The following ATP11B variants were observed in gnomAD, a reference collection of about 807,000 sequenced individuals.
ATP11B encodes phospholipid-transporting ATPase IF.
ATP11B carries 81 observed loss-of-function variants against 157.8 expected under a neutral mutation model. The ratio of observed to expected loss-of-function variants is 0.51; its 90% CI spans 0.43 to 0.62. The LOEUF (loss-of-function observed/expected upper bound fraction) is 0.62. Ranked by LOEUF, ATP11B falls within the 20% of genes least tolerant of loss-of-function variation. The pLI is 0.00. For synonymous variants in ATP11B, 451 were observed against 469.4 expected (o/e 0.96, Z 0.51); for missense variants, 1,165 against 1,402.2 (o/e 0.83, Z 2.70).
chr3:182,884,075 G>A (rs1306260850), intron 21 of ATP11B, among the ~76,000 whole-genome samples: 1 of 150,952 alleles, frequency 6.6e-6, no homozygotes, highest in Non-Finnish European at 1.5e-5. Flanking sequence ...TTATGACAAA[G>A]TTTTAGTTTT....
At chr3:182,841,683 G>A (rs1719033034) in intron 7 of ATP11B, among the ~76,000 whole-genome samples, 1 of 151,946 alleles carries the variant, frequency 6.6e-6, no homozygotes, top group African/African-American at 2.4e-5. Context: ...TGTTTCATGT[G>A]TAAGAATGGT....
chr3:182,876,871 A>T (rs1722079479), intron 19 of ATP11B, among the ~76,000 whole-genome samples: 2 of 152,230 alleles, frequency 1.3e-5, no homozygotes, highest in South Asian at 4.1e-4. Flanking sequence ...TTTCTATGTG[A>T]AATTTATGTT....
intron 29 of ATP11B, chr3:182,917,240 T>C: frequency 2.0e-6 from 2 of 985,394 alleles, no homozygotes; most frequent in Non-Finnish European, 2.4e-6. Context: ...TAAATGTGTT[T>C]AGTCTCATAA....
At position 182,820,353 on chromosome 3, in the gene ATP11B, G is replaced by C; in HGVS notation, c.121G>C (p.Asp41His). 6.2e-7 allele frequency: 1 copy of C among 1,607,298 alleles called. No individual in the cohort carries two copies. Among genetic ancestry groups the C allele is most frequent in the Non-Finnish European group, 8.5e-7 (1 of 1,173,808 alleles). The change falls in exon 2 of 30, where the codon GAT becomes CAT. Residue 41 changes from aspartate (D) to histidine (H), a missense_variant. By Grantham distance (81) the Asp-to-His change is moderately conservative (BLOSUM62 -1). Transcript: ENST00000323116. ...NGLYTPQKFIDNRIISSKYTV... is the reference protein window; with the variant it reads ...NGLYTPQKFIHNRIISSKYTV... ...CCTTTACACACCTCAGAAATTTATA[G>C]ATAACAGGATCATTTCATCTAAGGT...
At chr3:182,885,022 G>C (rs932282810) in intron 22 of ATP11B, 124 bp downstream of exon 22, 4 of 630,522 alleles carry the variant, frequency 6.3e-6, no homozygotes, top group Admixed American at 3.9e-5. Flanking sequence ...ACAGTATTTT[G>C]TCATAAATCT....
chr3:182,870,666 G>A (rs778375548), intron 17 of ATP11B, among the ~76,000 whole-genome samples: 5 of 152,206 alleles, frequency 3.3e-5, no homozygotes, highest in African/African-American at 4.8e-5. Flanking sequence ...TCAGGGAATG[G>A]CAATATTTAG....
intron 25 of ATP11B, among the ~76,000 whole-genome samples, chr3:182,890,116 G>T (rs1168534960): frequency 6.6e-6 from 1 of 152,174 alleles, no homozygotes; most frequent in Non-Finnish European, 1.5e-5. Context: ...ATGAAATTAG[G>T]AAAGAGTGCA....
chr3:182,831,928 A>G (rs1361876536), intron 4 of ATP11B, among the ~76,000 whole-genome samples: 1 of 152,204 alleles, frequency 6.6e-6, no homozygotes, highest in Admixed American at 6.5e-5. Flanking sequence ...GAACAAGACC[A>G]TGCACATATT....
rs990596649 is a variant in ATP11B, at chr3:182,920,184, C to T, written c.*2080C>T. On this transcript the variant is annotated 3_prime_UTR_variant, in exon 30 of 30. Coordinates refer to ENST00000323116, the MANE Select transcript of ATP11B (RefSeq NM_014616.3). ...ACTGCAGCAAGACAGGAGGTCAGCT[C>T]GCCTATAATGGTGCTTAAAGTGTGA... 1 of 152,112 alleles carries T rather than the reference C, an allele frequency of 6.6e-6. No individual in the cohort carries two copies. The highest frequency in any genetic ancestry group is 1.5e-5 in the Non-Finnish European group (1 of 68,034). 9.4% of individuals were successfully genotyped at this position (152,112 alleles called of 1,614,324 possible).
chr3:182,859,118 C>A, intron 11 of ATP11B, 44 bp from the exon 12 acceptor site: 2 of 1,436,052 alleles, frequency 1.4e-6, no homozygotes, highest in Non-Finnish European at 1.9e-6. Flanking sequence ...TGAAGAAATT[C>A]TAGTTTATTT....
intron 9 of ATP11B, among the ~76,000 whole-genome samples, chr3:182,846,285 G>A (rs1468742151): frequency 6.6e-6 from 1 of 150,928 alleles, no homozygotes; most frequent in African/African-American, 2.4e-5. Context: ...TGATAAAGAA[G>A]TCCATATGTC....
intron 23 of ATP11B, among the ~76,000 whole-genome samples, chr3:182,886,945 A>G (rs976766033): frequency 6.6e-6 from 1 of 152,232 alleles, no homozygotes; most frequent in Non-Finnish European, 1.5e-5. Context: ...TGCTAAGACA[A>G]TACGACAAGG....
chr3:182,856,233 A>C (rs1213513864), intron 10 of ATP11B, among the ~76,000 whole-genome samples: 3 of 152,202 alleles, frequency 2.0e-5, no homozygotes, highest in Non-Finnish European at 2.9e-5. Flanking sequence ...TCAAGTTGGA[A>C]GTTAAAACTA....
chr3:182,807,168 G>A (rs1033682060), intron 1 of ATP11B, among the ~76,000 whole-genome samples: 2 of 152,156 alleles, frequency 1.3e-5, no homozygotes, highest in Non-Finnish European at 2.9e-5. Flanking sequence ...AGTTTTTCCA[G>A]GGAGTTTAGT....
chr3:182,887,606 C>G lies in ATP11B; in HGVS notation c.2736C>G (p.Tyr912Ter). Residue 912 changes from tyrosine to a stop codon, truncating the protein, a stop_gained, in exon 24 of 30, where the codon TAC becomes TAG. Transcript: ENST00000323116. LOFTEE classifies it high-confidence loss of function. ...TCTAGACATTGTATGACAGCGTGTA[C>G]CTGACTTTATACAATATTTGTTTTA... is the stretch of plus-strand genomic sequence containing the variant. ...FSQQTLYDSV[Y>*]LTLYNICFTS... The G allele has an allele frequency of 6.2e-7, 1 of 1,611,794 alleles. No individual in the cohort carries two copies.
Position 182,918,092 on chromosome 3 carries a change from A to G in ATP11B, c.3522A>G (p.Ser1174=), listed in dbSNP as rs746210987. Residue 1174 remains serine (S), a synonymous_variant, in exon 30 of 30, where the codon TCA becomes TCG. Coordinates refer to ENST00000323116, the MANE Select transcript of ATP11B (RefSeq NM_014616.3). The part of the protein sequence containing the change: ...RSILTLSTMD[S]STC ...TCTTGACTCTCTCCACAATGGACTC[A>G]TCTACTTGTTAAAGGGGCAGTAGTA... 79 of 1,612,892 alleles carry G rather than the reference A, an allele frequency of 4.9e-5. No homozygotes were observed. The highest frequency in any genetic ancestry group is 6.6e-5 in the Non-Finnish European group (78 of 1,179,256).
chr3:182,799,243 G>A (rs575129751), intron 1 of ATP11B, among the ~76,000 whole-genome samples: 2 of 151,108 alleles, frequency 1.3e-5, no homozygotes, highest in African/African-American at 4.9e-5. Context: ...TCTTCATTTT[G>A]TTTCTGCAGT....
chr3:182,841,719 C>G (rs1256519118), intron 7 of ATP11B, among the ~76,000 whole-genome samples: 2 of 151,986 alleles, frequency 1.3e-5, no homozygotes. Flanking sequence ...TGGCTCACAC[C>G]TGTAATCCCA....
chr3:182,804,916 A>G (rs1216157850), intron 1 of ATP11B, among the ~76,000 whole-genome samples: 3 of 152,062 alleles, frequency 2.0e-5, no homozygotes, highest in South Asian at 2.1e-4. Context: ...CACCTAGCAT[A>G]ATGTTTTCAA....
Sources: gnomAD v4.1 joint callset for allele counts (sites outside exome capture counted in the v4.1 genomes callset) on GRCh38, gnomAD v4.1.1 for gene constraint, MANE v1.5 for transcripts, NCBI Gene and HGNC (gene_info 2026-07-23, HGNC 2026-07-21) for gene names.